DGKD: variants seen among roughly 807,000 people sequenced by gnomAD.
DGKD encodes DAG kinase delta.
A neutral mutation model predicts 154.4 loss-of-function variants in DGKD; 68 were observed. The observed-to-expected ratio is 0.44, with a 90% CI of 0.36 to 0.54. DGKD has a LOEUF of 0.54. DGKD is among the 20% of genes least tolerant of loss of function. The pLI, the probability that DGKD is intolerant of heterozygous loss-of-function variation, is 0.00. For missense variants in DGKD, 1,343 were observed against 1,593.6 expected, an observed-to-expected ratio of 0.84 and a Z score of 2.68; for synonymous variants, 693 against 638.0, an observed-to-expected ratio of 1.09 and a Z score of -1.30.
intron 12 of DGKD, chr2:233,447,821 G>T (rs762349126): frequency 7.9e-7 from 1 of 1,272,482 alleles, no homozygotes; most frequent in Non-Finnish European, 1.0e-6. Context: ...AGCACAGGCC[G>T]TGCTGGGATC....
intron 3 of DGKD, among the ~76,000 whole-genome samples, chr2:233,402,583 G>T (rs187753210): frequency 6.6e-6 from 1 of 152,306 alleles, no homozygotes; most frequent in East Asian, 1.9e-4. Flanking sequence ...CGCTGAAGAG[G>T]TGCTCACTAT....
At chr2:233,405,998 C>T (rs756588286) in intron 3 of DGKD, among the ~76,000 whole-genome samples, 1 of 152,192 alleles carries the variant, frequency 6.6e-6, no homozygotes, top group Non-Finnish European at 1.5e-5. Context: ...TATCACATTC[C>T]TGGAGGCCAG....
intron 28 of DGKD, among the ~76,000 whole-genome samples, chr2:233,468,018 G>A (rs974503546): frequency 3.9e-5 from 6 of 152,124 alleles, no homozygotes; most frequent in Non-Finnish European, 8.8e-5. Flanking sequence ...ATATTTGGTG[G>A]TGGTAAATCC....
At chr2:233,447,553 G>T in intron 12 of DGKD, 1 of 985,636 alleles carries the variant, frequency 1.0e-6, no homozygotes, top group Non-Finnish European at 1.2e-6. Flanking sequence ...AAGAGTGTGT[G>T]GGGGAAGCCC....
At position 233,356,533 on chromosome 2, in the gene DGKD, T is replaced by A. The variant is rs146283490; in HGVS notation, c.156+1859T>A. On this transcript the variant is annotated intron_variant, in intron 1 of 29. Coordinates refer to ENST00000264057, the MANE Select transcript of DGKD (RefSeq NM_152879.3). ...TTACAAGGTTGATTAAGATCAAGAT[T>A]GTGTTGAGAGAGATTTGATTCCTGG... 3.2e-3 allele frequency among the ~76,000 whole-genome samples: 482 copies of A among 152,292 alleles called. 1 individual carries two copies. The highest frequency in any genetic ancestry group is 0.011 in the African/African-American group (449 of 41,534).
At chr2:233,426,603 T>A (rs1263703667) in intron 3 of DGKD, among the ~76,000 whole-genome samples, 1 of 152,216 alleles carries the variant, frequency 6.6e-6, no homozygotes, top group Non-Finnish European at 1.5e-5. Context: ...TTTCTTTCGC[T>A]GTTGTAAGAT....
rs2063736718 is a variant in DGKD at position 233,463,640 on chromosome 2, ACTCCACGCATGTCCTCACTGCACGCATCT to A, written c.3187-522_3187-494del. 3.6e-5 allele frequency among the ~76,000 whole-genome samples: 5 copies of A among 137,162 alleles called. No individual in the cohort carries two copies. The East Asian group carries it at 6.6e-4, about 18-fold the overall frequency. 90.0% of individuals were successfully genotyped at this position (137,162 alleles called of 152,430 possible). On this transcript the variant is annotated intron_variant, in intron 26 of 29. Transcript: ENST00000264057. The stretch of plus-strand genomic sequence containing the variant: ...ATCTCCTCACTCCACGCATCTCCTC[ACTCCACGCATGTCCTCACTGCACGCATCT>A]CCTCACTCCACGCATCACCTCACTC...
intron 1 of DGKD, among the ~76,000 whole-genome samples, chr2:233,378,750 G>A (rs142868327): frequency 2.0e-5 from 3 of 152,110 alleles, no homozygotes; most frequent in Non-Finnish European, 2.9e-5. Context: ...TTAAAGATTA[G>A]GGATATTAGC....
chr2:233,457,352 G>A lies in DGKD; in HGVS notation c.2580+24G>A. On this transcript the variant is annotated intron_variant, in intron 21 of 29. Coordinates refer to ENST00000264057, the MANE Select transcript of DGKD (RefSeq NM_152879.3). This position sits in a 1 kb window ranked among gnomAD's most constrained non-coding sequence, Gnocchi z 5.5. ...ATGTATGTATGGGGTGTGAGCGGGT[G>A]GGCCTGAGCTCAGTGGGGAAGAGCT... 1.3e-6 allele frequency: 2 copies of A among 1,531,604 alleles called. No individual in the cohort carries two copies. The allele number at this position is 1,531,604 out of a possible 1,614,324, so 94.9% of individuals were successfully genotyped here.
Position 233,434,829 on chromosome 2 carries a change from G to A in DGKD, c.514G>A (p.Ala172Thr), listed in dbSNP as rs779077238. 4.3e-6 allele frequency: 7 copies of A among 1,614,180 alleles called. No individual in the cohort carries two copies. Among genetic ancestry groups the A allele is most frequent in the South Asian group, 1.1e-5 (1 of 91,082 alleles). ...GMHNWYACSHARPTYCNVCRE... is the reference protein window; with the variant it reads ...GMHNWYACSHTRPTYCNVCRE... Reference sequence around the variant, plus strand: ...GCACAATTGGTACGCCTGTTCCCACGCGAGGCCGACCTACTGCAATGTGTG... The same window carrying A: ...GCACAATTGGTACGCCTGTTCCCACACGAGGCCGACCTACTGCAATGTGTG... The change falls in exon 5 of 30, where the codon GCG (alanine) becomes ACG (threonine). Residue 172 changes from alanine to threonine, a missense_variant. Coordinates refer to ENST00000264057, the MANE Select transcript of DGKD (RefSeq NM_152879.3).
chr2:233,366,974 C>T (rs1702059192), intron 1 of DGKD, among the ~76,000 whole-genome samples: 1 of 152,134 alleles, frequency 6.6e-6, no homozygotes. Flanking sequence ...ATAACAATAC[C>T]ATTATACCTG....
At chr2:233,367,851 CTTTTTTT>C (rs66652929) in intron 1 of DGKD, among the ~76,000 whole-genome samples, 7 of 124,076 alleles carry the variant, frequency 5.6e-5, no homozygotes, top group East Asian at 4.6e-4. Flanking sequence ...TTTTTTTTTT[CTTTTTTT>C]TTTTTTTTTT....
Position 233,415,929 on chromosome 2 carries a change from A to G in DGKD, c.349-18451A>G, listed in dbSNP as rs534965785. Among the ~76,000 whole-genome samples the G allele has an allele frequency of 3.3e-5, 5 of 152,346 alleles. No homozygotes were observed. In the South Asian group the frequency reaches 1.0e-3, roughly 32 times the overall value. ...CATGAGCTGCTGCGCCCAACCAGGC[A>G]TAGATAAATTTAAAGACACCTTTTA... is the stretch of plus-strand genomic sequence containing the variant. On this transcript the variant is annotated intron_variant, in intron 3 of 29. Coordinates refer to ENST00000264057, the MANE Select transcript of DGKD (RefSeq NM_152879.3).
chr2:233,436,664 A>G (rs1203297661), intron 7 of DGKD, among the ~76,000 whole-genome samples: 1 of 152,190 alleles, frequency 6.6e-6, no homozygotes, highest in African/African-American at 2.4e-5. Context: ...ACATATGCAG[A>G]TGTGTATTGT....
At chr2:233,446,075 C>G (rs972388142) in intron 11 of DGKD, among the ~76,000 whole-genome samples, 3 of 152,224 alleles carry the variant, frequency 2.0e-5, no homozygotes, top group African/African-American at 7.2e-5. Context: ...GATCTAATAC[C>G]CATCGGAAGA....
intron 12 of DGKD, among the ~76,000 whole-genome samples, chr2:233,447,119 G>A (rs376031034): frequency 9.1e-4 from 139 of 152,246 alleles, no homozygotes; most frequent in Middle Eastern, 6.8e-3. Flanking sequence ...AACGGTGCGC[G>A]CCCGTTCCCT....
Position 233,435,800 on chromosome 2 carries a change from G to T in DGKD, c.587-18G>T. Reference sequence around the variant, plus strand: ...GCACAGACACAGCTTGTAGGCTCATGTGCCCCTTCTCTCACAGTGTGCAAA... The same window carrying T: ...GCACAGACACAGCTTGTAGGCTCATTTGCCCCTTCTCTCACAGTGTGCAAA... On this transcript the variant is annotated intron_variant, in intron 5 of 29. Coordinates refer to ENST00000264057, the MANE Select transcript of DGKD (RefSeq NM_152879.3). The T allele has an allele frequency of 6.2e-7, 1 of 1,608,272 alleles. No homozygotes were observed. The highest frequency in any genetic ancestry group is 8.5e-7 in the Non-Finnish European group (1 of 1,176,868).
At chr2:233,363,204 T>A (rs1701865167) in intron 1 of DGKD, among the ~76,000 whole-genome samples, 1 of 152,320 alleles carries the variant, frequency 6.6e-6, no homozygotes, top group Non-Finnish European at 1.5e-5. Context: ...CACGTCATTG[T>A]CCCTGAAGAC....
At chr2:233,415,500 T>C (rs1007511919) in intron 3 of DGKD, among the ~76,000 whole-genome samples, 2 of 152,140 alleles carry the variant, frequency 1.3e-5, no homozygotes, top group Admixed American at 6.5e-5. Flanking sequence ...CCAGAGGCCA[T>C]TGGGATAGCA....
Sources: gnomAD v4.1 joint callset for allele counts (sites outside exome capture counted in the v4.1 genomes callset) on GRCh38, gnomAD v4.1.1 for gene constraint, Gnocchi (gnomAD v3.1) non-coding constraint, MANE v1.5 for transcripts, NCBI Gene and HGNC (gene_info 2026-07-23, HGNC 2026-07-21) for gene names.